SLC6A20: variants seen among roughly 807,000 people sequenced by gnomAD.
SLC6A20 encodes the protein sodium- and chloride-dependent transporter XTRP3.
A neutral mutation model predicts 64.3 loss-of-function variants in SLC6A20; 73 were observed. That is an observed-to-expected ratio of 1.14 (90% CI 0.94 to 1.38). The LOEUF is 1.38. Ranked by LOEUF, SLC6A20 falls within the 40% of genes most tolerant of loss-of-function variation. The pLI is 0.00. For missense variants in SLC6A20, 725 were observed against 772.8 expected, an observed-to-expected ratio of 0.94 and a Z score of 0.73; for synonymous variants, 347 against 329.6, an observed-to-expected ratio of 1.05 and a Z score of -0.57.
intron 3 of SLC6A20, among the ~76,000 whole-genome samples, chr3:45,777,528 G>T (rs544910747): frequency 6.6e-6 from 1 of 152,362 alleles, no homozygotes; most frequent in African/African-American, 2.4e-5. Context: ...GTGAAGAGAT[G>T]CTGTGTGAGT....
chr3:45,786,205 T>C (rs906312486), intron 1 of SLC6A20, among the ~76,000 whole-genome samples: 9 of 152,238 alleles, frequency 5.9e-5, no homozygotes, highest in Non-Finnish European at 1.3e-4. Flanking sequence ...CCCAGTGCAA[T>C]GAGTAAAATC....
intron 4 of SLC6A20, 74 bp downstream of exon 4, chr3:45,775,687 G>T: frequency 6.9e-7 from 1 of 1,439,536 alleles, no homozygotes; most frequent in Non-Finnish European, 9.5e-7. Context: ...TAGGGTTGGA[G>T]ACAGAGGCAG....
chr3:45,782,194 G>GCCCATCCATC lies in SLC6A20; in HGVS notation c.150_151insGATGGATGGG (p.Leu51AspfsTer84). 6.2e-7 allele frequency: 1 copy of GCCCATCCATC among 1,613,762 alleles called. No individual in the cohort carries two copies. The highest frequency in any genetic ancestry group is 1.3e-5 in the African/African-American group (1 of 75,026). On this transcript the variant is annotated frameshift_variant, in exon 2 of 11. Transcript: ENST00000358525. LOFTEE classifies it high-confidence loss of function. The stretch of plus-strand genomic sequence containing the variant: ...AAGAGCGGCATTCCCTCCACGATAA[G>GCCCATCCATC]CATGATGATGTAGGGGACCAGGAAA...
intron 3 of SLC6A20, 63 bp from the exon 4 acceptor site, chr3:45,776,051 G>A: frequency 6.7e-7 from 1 of 1,498,302 alleles, no homozygotes; most frequent in Non-Finnish European, 9.3e-7. Flanking sequence ...CTGTGGCAGG[G>A]GTGAGGGAGG....
chr3:45,768,509 C>T (rs1699809690), intron 7 of SLC6A20, among the ~76,000 whole-genome samples: 1 of 152,198 alleles, frequency 6.6e-6, no homozygotes, highest in African/African-American at 2.4e-5. Flanking sequence ...TCATGGGTCA[C>T]CTGAACAGGA....
intron 8 of SLC6A20, 39 bp from the exon 9 acceptor site, chr3:45,763,111 C>A: frequency 6.2e-7 from 1 of 1,610,604 alleles, no homozygotes; most frequent in Non-Finnish European, 8.5e-7. Context: ...TGCCCGAGAC[C>A]CCCCCACTAC....
intron 3 of SLC6A20, among the ~76,000 whole-genome samples, chr3:45,778,450 T>C (rs925295649): frequency 8.5e-5 from 13 of 152,152 alleles, no homozygotes; most frequent in African/African-American, 3.1e-4. Flanking sequence ...AAGGGATAAG[T>C]CCACAGACCT....
At chr3:45,787,230 C>A (rs1271493903) in intron 1 of SLC6A20, among the ~76,000 whole-genome samples, 3 of 152,196 alleles carry the variant, frequency 2.0e-5, no homozygotes, top group Non-Finnish European at 4.4e-5. Flanking sequence ...CCATCCACTG[C>A]AGTCACACTG....
chr3:45,771,696 A>G, intron 5 of SLC6A20: 1 of 624,548 alleles, frequency 1.6e-6, no homozygotes, highest in Non-Finnish European at 2.8e-6. Flanking sequence ...TACAGGTGCT[A>G]TGTGGAGGAC....
chr3:45,774,552 G>A (rs948258418), intron 4 of SLC6A20, among the ~76,000 whole-genome samples: 2 of 152,196 alleles, frequency 1.3e-5, no homozygotes, highest in East Asian at 1.9e-4. Flanking sequence ...GGGGCTAAGA[G>A]GCTGGTCATC....
At chr3:45,788,297 C>T (rs1700200698) in intron 1 of SLC6A20, among the ~76,000 whole-genome samples, 1 of 151,860 alleles carries the variant, frequency 6.6e-6, no homozygotes, top group African/African-American at 2.4e-5. Flanking sequence ...GAAAGCTATC[C>T]CACAGCTCAG....
At chr3:45,792,375 C>T (rs1338524238) in intron 1 of SLC6A20, among the ~76,000 whole-genome samples, 1 of 152,160 alleles carries the variant, frequency 6.6e-6, no homozygotes, top group Non-Finnish European at 1.5e-5. Flanking sequence ...GACTTGTTTC[C>T]TATCTGTAAA....
At chr3:45,774,052 G>C (rs892416734) in intron 4 of SLC6A20, among the ~76,000 whole-genome samples, 3 of 152,202 alleles carry the variant, frequency 2.0e-5, no homozygotes, top group African/African-American at 4.8e-5. Context: ...TGCTGGACAC[G>C]TGATCCAGCC....
rs533342560 is a variant in SLC6A20 at position 45,771,270 on chromosome 3, G to T, written c.882C>A (p.Thr294=). 6.8e-6 allele frequency: 11 copies of T among 1,614,236 alleles called. No individual in the cohort carries two copies. In the Admixed American group the frequency reaches 1.8e-4, roughly 27 times the overall value. Residue 294 remains threonine, a synonymous_variant, in exon 6 of 11, where the codon ACC becomes ACA. Coordinates refer to ENST00000358525, the MANE Select transcript of SLC6A20 (RefSeq NM_020208.4). ...TGGCCTTGAAGCCATAGATGGAGAA[G>T]GTGACAATGCTGGCAAATATGGAGG... ...SFTSIFASIV[T]FSIYGFKATF...
Position 45,773,469 on chromosome 3 carries a change from TCTAA to T in SLC6A20, c.583-858_583-855del, listed in dbSNP as rs554722609. On this transcript the variant is annotated intron_variant, in intron 4 of 10. Coordinates refer to ENST00000358525, the MANE Select transcript of SLC6A20 (RefSeq NM_020208.4). ...AGTCACCTGTCATGCTCTGGGTGAT[TCTAA>T]CTGTTACAAAGCCATAGAATACAGA... 1.1e-3 allele frequency among the ~76,000 whole-genome samples: 165 copies of T among 152,362 alleles called. 1 individual carries two copies. Among genetic ancestry groups the T allele is most frequent in the African/African-American group, 3.6e-3 (151 of 41,576 alleles).
At position 45,765,450 on chromosome 3, in the gene SLC6A20, C is replaced by G; in HGVS notation, c.1303+87G>C. ...CCCCCTGTAGCCACCTGAACCAGCC[C>G]ATGACCCCTGAGGGAGCTCTCCCCT... is the stretch of plus-strand genomic sequence containing the variant. On this transcript the variant is annotated intron_variant, in intron 8 of 10. Coordinates refer to ENST00000358525, the MANE Select transcript of SLC6A20 (RefSeq NM_020208.4). The surrounding 1 kb of genome is among the most constrained non-coding windows in gnomAD (Gnocchi z 4.2). The G allele has an allele frequency of 4.1e-6, 6 of 1,461,382 alleles. No homozygotes were observed. In the South Asian group the frequency reaches 7.7e-5, roughly 19 times the overall value. The allele number at this position is 1,461,382 out of a possible 1,614,324, so 90.5% of individuals were successfully genotyped here. A position where few individuals can be genotyped will look rare whatever the true frequency, so the allele number is the denominator to read the frequency against.
chr3:45,784,870 A>C (rs1700146838), intron 1 of SLC6A20, among the ~76,000 whole-genome samples: 1 of 152,100 alleles, frequency 6.6e-6, no homozygotes, highest in Non-Finnish European at 1.5e-5. Context: ...AGGAGGTGGG[A>C]GGGCAAGAGG....
At chr3:45,768,028 A>T (rs1699803165) in intron 7 of SLC6A20, among the ~76,000 whole-genome samples, 1 of 152,260 alleles carries the variant, frequency 6.6e-6, no homozygotes, top group Admixed American at 6.5e-5. Context: ...GATGCAAGAA[A>T]GAATGGTGAA....
At chr3:45,790,926 T>C (rs1206033286) in intron 1 of SLC6A20, among the ~76,000 whole-genome samples, 4 of 152,230 alleles carry the variant, frequency 2.6e-5, no homozygotes, top group Admixed American at 2.0e-4. Context: ...AAATGTGTGC[T>C]TTTCTGTGCC....
Sources: allele counts gnomAD v4.1 joint callset (sites outside exome capture counted in the v4.1 genomes callset), GRCh38; gene constraint gnomAD v4.1.1; non-coding constraint Gnocchi (gnomAD v3.1); transcripts MANE v1.5; gene names NCBI Gene and HGNC (gene_info 2026-07-23, HGNC 2026-07-21).